FAM13A: variants seen among roughly 807,000 people sequenced by gnomAD.
FAM13A encodes protein FAM13A.
Under a neutral mutation model 129.6 loss-of-function variants are expected in FAM13A, and 76 were observed. The ratio of observed to expected loss-of-function variants is 0.59; its 90% CI spans 0.49 to 0.71. The LOEUF is 0.71. Ranked by LOEUF, FAM13A falls within the 30% of genes least tolerant of loss-of-function variation. FAM13A has a pLI of 0.00. For missense variants in FAM13A, 1,108 were observed against 1,249.3 expected, an observed-to-expected ratio of 0.89 and a Z score of 1.70; for synonymous variants, 443 against 449.9, an observed-to-expected ratio of 0.98 and a Z score of 0.20.
At position 88,767,579 on chromosome 4, in the gene FAM13A, CT is replaced by C; in HGVS notation, c.1551del (p.Asp518MetfsTer13). 3 of 1,602,120 alleles carry C rather than the reference CT, an allele frequency of 1.9e-6. No homozygotes were observed. Among genetic ancestry groups the C allele is most frequent in the East Asian group, 2.2e-5 (1 of 44,616 alleles). On this transcript the variant is annotated frameshift_variant, in exon 13 of 24. Transcript: ENST00000264344. LOFTEE classifies it high-confidence loss of function. ...TCAAAATGCTGAGTGTGTCCACCAT[CT>C]TTTTCATTTCCTTTCCTATAAATAA... ...WMSDERKGNE[K>X]DGGHTQHFES...
chr4:88,832,829 T>C (rs1013734056), intron 7 of FAM13A, among the ~76,000 whole-genome samples: 5 of 152,150 alleles, frequency 3.3e-5, no homozygotes, highest in African/African-American at 1.2e-4. Context: ...TGGTGATTCC[T>C]CAAAGATCTA....
intron 5 of FAM13A, among the ~76,000 whole-genome samples, chr4:88,913,007 A>AGAG (rs928818839): frequency 6.2e-5 from 9 of 145,848 alleles, no homozygotes; most frequent in South Asian, 2.4e-4. Flanking sequence ...AGAAGGAAGA[A>AGAG]GAGGAGGAGG....
At chr4:88,987,853 A>AAAAAAAAAAAAAAAG (rs1382992709) in intron 4 of FAM13A, among the ~76,000 whole-genome samples, 1 of 151,112 alleles carries the variant, frequency 6.6e-6, no homozygotes, top group Admixed American at 6.6e-5. Context: ...AAAAAAAAAA[A>AAAAAAAAAAAAAAAG]AACTTAATCT....
chr4:88,819,926 G>C (rs1224656899), intron 7 of FAM13A, among the ~76,000 whole-genome samples: 1 of 152,148 alleles, frequency 6.6e-6, no homozygotes, highest in African/African-American at 2.4e-5. Flanking sequence ...CTTTACAGAA[G>C]GTTGTAATTT....
chr4:88,779,176 A>T (rs1230615131), intron 11 of FAM13A, among the ~76,000 whole-genome samples: 1 of 152,096 alleles, frequency 6.6e-6, no homozygotes, highest in Non-Finnish European at 1.5e-5. Context: ...TGTTTTTCTC[A>T]CTATTGTATC....
chr4:88,987,771 G>A (rs917717409), intron 4 of FAM13A, among the ~76,000 whole-genome samples: 2 of 145,294 alleles, frequency 1.4e-5, no homozygotes, highest in Admixed American at 7.0e-5. Flanking sequence ...GAACCCGGGA[G>A]GCGGAGCTTG....
At chr4:88,873,112 C>A (rs901628241) in intron 6 of FAM13A, among the ~76,000 whole-genome samples, 10 of 152,080 alleles carry the variant, frequency 6.6e-5, no homozygotes, top group African/African-American at 2.4e-4. Context: ...ACACAACATA[C>A]CAGAATCTCT....
intron 6 of FAM13A, among the ~76,000 whole-genome samples, chr4:88,856,367 C>A (rs1236303863): frequency 1.3e-5 from 2 of 151,844 alleles, no homozygotes; most frequent in African/African-American, 4.8e-5. Context: ...ACCTGTAGTC[C>A]CAACTACTTG....
chr4:88,845,056 A>G (rs1736417084), intron 7 of FAM13A, among the ~76,000 whole-genome samples: 1 of 152,238 alleles, frequency 6.6e-6, no homozygotes, highest in Non-Finnish European at 1.5e-5. Context: ...TTGTGTGACA[A>G]AAATGAATCC....
intron 5 of FAM13A, among the ~76,000 whole-genome samples, chr4:88,908,454 G>C (rs921319316): frequency 6.6e-6 from 1 of 152,144 alleles, no homozygotes; most frequent in Non-Finnish European, 1.5e-5. Flanking sequence ...TCTGACTGTT[G>C]TCTATGACTG....
intron 1 of FAM13A, among the ~76,000 whole-genome samples, chr4:89,050,939 G>C (rs1306519629): frequency 6.6e-6 from 1 of 151,888 alleles, no homozygotes; most frequent in African/African-American, 2.4e-5. Context: ...CAAAAAAAAA[G>C]AACTACAAAG....
chr4:89,025,666 C>T (rs1209982739), intron 2 of FAM13A, among the ~76,000 whole-genome samples: 1 of 151,978 alleles, frequency 6.6e-6, no homozygotes, highest in Non-Finnish European at 1.5e-5. Flanking sequence ...GAACGGTGTG[C>T]AGAGGAAAAG....
chr4:89,010,016 T>C (rs1356317959), intron 3 of FAM13A, among the ~76,000 whole-genome samples: 1 of 152,222 alleles, frequency 6.6e-6, no homozygotes, highest in Admixed American at 6.5e-5. Context: ...TTTGTGTCCA[T>C]ATCTGGTTGG....
intron 4 of FAM13A, among the ~76,000 whole-genome samples, chr4:88,965,703 C>G (rs1188251952): frequency 6.6e-6 from 1 of 152,100 alleles, no homozygotes; most frequent in African/African-American, 2.4e-5. Flanking sequence ...AACTCCATAT[C>G]CATTAAACAT....
chr4:88,876,580 C>A (rs1452103719), intron 6 of FAM13A, among the ~76,000 whole-genome samples: 2 of 152,004 alleles, frequency 1.3e-5, no homozygotes, highest in African/African-American at 4.8e-5. Flanking sequence ...TATACACCTA[C>A]CCCCTGGTCA....
At chr4:89,046,024 C>CAAAAAAAA (rs34619235) in intron 1 of FAM13A, among the ~76,000 whole-genome samples, 2 of 103,458 alleles carry the variant, frequency 1.9e-5, no homozygotes, top group East Asian at 2.5e-4. Flanking sequence ...AACTCCATCT[C>CAAAAAAAA]AAAAAAAAAA....
chr4:88,728,913 A>C (rs886203088), intron 23 of FAM13A: 6 of 340,416 alleles, frequency 1.8e-5, no homozygotes, highest in African/African-American at 1.3e-4. Flanking sequence ...AAGGCTAAGA[A>C]ATGCAGAAAT....
At chr4:88,868,920 T>C (rs1271833664) in intron 6 of FAM13A, among the ~76,000 whole-genome samples, 1 of 152,376 alleles carries the variant, frequency 6.6e-6, no homozygotes, top group South Asian at 2.1e-4. Context: ...TTAATTTTTA[T>C]CTTTGTCCAG....
chr4:88,995,860 C>T (rs1315929578), intron 3 of FAM13A, among the ~76,000 whole-genome samples: 1 of 152,096 alleles, frequency 6.6e-6, no homozygotes, highest in East Asian at 1.9e-4. Flanking sequence ...GAGGGGAAGA[C>T]AGACAATTAA....
Sources: gnomAD v4.1 joint callset for allele counts (sites outside exome capture counted in the v4.1 genomes callset) on GRCh38, gnomAD v4.1.1 for gene constraint, MANE v1.5 for transcripts, NCBI Gene and HGNC (gene_info 2026-07-23, HGNC 2026-07-21) for gene names.